The following TRIM37 variants were observed in gnomAD, a reference collection of about 807,000 sequenced individuals.
TRIM37 encodes the protein tripartite motif containing 37.
In TRIM37, 80 loss-of-function variants were observed where a neutral mutation model predicts 129.8. The ratio of observed to expected loss-of-function variants is 0.62; its 90% confidence interval spans 0.51 to 0.74. TRIM37 has a LOEUF of 0.74. Ranked by LOEUF, TRIM37 falls within the 30% of genes least tolerant of loss-of-function variation. The probability of loss-of-function intolerance (pLI) is 0.00; values close to 1 mark genes in which losing one functional copy is unlikely to be tolerated. For missense variants in TRIM37, 1,054 were observed against 1,176.5 expected (o/e 0.90, Z 1.52); for synonymous variants, 389 against 387.1 (o/e 1.00, Z -0.06).
chr17:59,092,822 T>TA (rs1026390850), intron 2 of TRIM37, among the ~76,000 whole-genome samples: 31 of 152,142 alleles, frequency 2.0e-4, no homozygotes, highest in African/African-American at 6.8e-4. Flanking sequence ...GTAAAAGACT[T>TA]AAAATGATAG....
intron 3 of TRIM37, 105 bp downstream of exon 3, chr17:59,091,195 G>C: frequency 1.5e-6 from 1 of 649,194 alleles, no homozygotes; most frequent in Non-Finnish European, 2.6e-6. Context: ...TCTTCACGAA[G>C]AAGAGAAATG....
At chr17:59,006,301 C>T (rs1005897786) in intron 22 of TRIM37, among the ~76,000 whole-genome samples, 1 of 152,120 alleles carries the variant, frequency 6.6e-6, no homozygotes, top group Non-Finnish European at 1.5e-5. Flanking sequence ...AGATTGTTAA[C>T]GCAAAAGAAA....
intron 1 of TRIM37, among the ~76,000 whole-genome samples, chr17:59,105,256 A>T (rs1175151116): frequency 6.6e-6 from 1 of 152,178 alleles, no homozygotes; most frequent in African/African-American, 2.4e-5. Context: ...GTGTACTGTG[A>T]CCCAGAAAAA....
chr17:59,092,344 A>C (rs965660010), intron 2 of TRIM37, among the ~76,000 whole-genome samples: 2 of 151,870 alleles, frequency 1.3e-5, no homozygotes, highest in Admixed American at 1.3e-4. Flanking sequence ...GGTTGCAGTG[A>C]GCCGAGATCC....
chr17:59,101,473 G>A (rs1461295828), intron 2 of TRIM37, among the ~76,000 whole-genome samples: 1 of 151,380 alleles, frequency 6.6e-6, no homozygotes, highest in African/African-American at 2.4e-5. Flanking sequence ...AAAACAGAAG[G>A]GTAAGACAAA....
At chr17:59,086,573 G>A (rs1325167114) in intron 4 of TRIM37, among the ~76,000 whole-genome samples, 2 of 152,070 alleles carry the variant, frequency 1.3e-5, no homozygotes, top group African/African-American at 2.4e-5. Flanking sequence ...TTTCATTGAT[G>A]AAGGACACTG....
At chr17:59,019,554 A>G (rs975461234) in intron 19 of TRIM37, among the ~76,000 whole-genome samples, 1 of 152,200 alleles carries the variant, frequency 6.6e-6, no homozygotes, top group African/African-American at 2.4e-5. Flanking sequence ...CTAAAAATAC[A>G]AAAGTTAGCT....
intron 17 of TRIM37, among the ~76,000 whole-genome samples, chr17:59,033,848 T>G (rs1185702639): frequency 6.6e-6 from 1 of 151,172 alleles, no homozygotes; most frequent in Non-Finnish European, 1.5e-5. Flanking sequence ...CTGGGTGCAG[T>G]GGCTCACGCC....
intron 4 of TRIM37, among the ~76,000 whole-genome samples, chr17:59,086,429 G>C (rs2043759155): frequency 6.6e-6 from 1 of 151,976 alleles, no homozygotes; most frequent in African/African-American, 2.4e-5. Flanking sequence ...AATACAGACA[G>C]GGTTTCACCA....
the TRIM37 span, among the ~76,000 whole-genome samples, chr17:58,977,088 T>A: frequency 6.6e-6 from 1 of 152,122 alleles, no homozygotes; most frequent in Admixed American, 6.6e-5. Flanking sequence ...CACCTTAGCA[T>A]ATAAGTGAAG....
chr17:59,038,079 A>G (rs1231120310), intron 17 of TRIM37, among the ~76,000 whole-genome samples: 1 of 152,188 alleles, frequency 6.6e-6, no homozygotes, highest in African/African-American at 2.4e-5. Context: ...TGCTATCAAC[A>G]TGACCTATCA....
chr17:58,980,254 TAGTG>T, downstream of TRIM37: 1 of 1,614,198 alleles, frequency 6.2e-7, no homozygotes, highest in Non-Finnish European at 8.5e-7. The surrounding 1 kb of genome is among the most constrained non-coding windows in gnomAD (Gnocchi z 4.7). Context: ...CTGTAAATGT[TAGTG>T]AGGAATCAGA....
Position 59,075,563 on chromosome 17 carries a change from C to CA in TRIM37, c.684+83dup, listed in dbSNP as rs34467573. On this transcript the variant is annotated intron_variant, in intron 8 of 23. Coordinates refer to ENST00000262294, the MANE Select transcript of TRIM37 (RefSeq NM_015294.6). ...TGGGCGACAGAGAGAGACTCCATCT[C>CA]AAAAAAAAAAAAAAAAAAAAACAAC... is the stretch of plus-strand genomic sequence containing the variant. 0.14 allele frequency: 66,691 copies of CA among 481,556 alleles called. 593 individuals carry two copies. Among genetic ancestry groups the CA allele is most frequent in the Middle Eastern group, 0.17 (247 of 1,448 alleles). 29.8% of individuals were successfully genotyped at this position (481,556 alleles called of 1,614,324 possible).
intron 13 of TRIM37, among the ~76,000 whole-genome samples, chr17:59,052,752 C>T (rs2040466611): frequency 6.6e-6 from 1 of 151,962 alleles, no homozygotes; most frequent in Non-Finnish European, 1.5e-5. Flanking sequence ...GTCAGGAGTT[C>T]GAGACCAGCG....
At chr17:59,057,178 C>T (rs2076219609) in intron 12 of TRIM37, 124 bp from the exon 13 acceptor site, 2 of 793,358 alleles carry the variant, frequency 2.5e-6, no homozygotes, top group East Asian at 2.7e-5. Flanking sequence ...TACGCAGTTA[C>T]ATTTCTTTTA....
At chr17:59,103,092 C>T (rs947937074) in intron 2 of TRIM37, among the ~76,000 whole-genome samples, 5 of 151,820 alleles carry the variant, frequency 3.3e-5, no homozygotes, top group Admixed American at 3.3e-4. Context: ...AGGATGGTCT[C>T]GAACTCCTGA....
At chr17:59,019,635 GA>G (rs1461188265) in intron 19 of TRIM37, among the ~76,000 whole-genome samples, 1 of 152,056 alleles carries the variant, frequency 6.6e-6, no homozygotes, top group Admixed American at 6.5e-5. Flanking sequence ...GTGAACCCGG[GA>G]AGCGGAGCTT....
In TRIM37 at chr17:59,081,149, A is replaced by G. The variant is rs1015890939; in HGVS notation, c.440T>C (p.Val147Ala). ...CATGAGACGCCGACGAAGTTTGGCT[A>G]CCTCTTCATTCACTTTAGTGACGTG... ...EQHVTKVNEE[V>A]AKLRRRLMEL... Residue 147 changes from valine (V) to alanine (A), a missense_variant, in exon 6 of 24, where the codon GTA becomes GCA. Transcript: ENST00000262294. 1.2e-5 allele frequency: 19 copies of G among 1,613,784 alleles called. No individual in the cohort carries two copies. Among genetic ancestry groups the G allele is most frequent in the Non-Finnish European group, 1.6e-5 (19 of 1,179,894 alleles).
At position 58,998,240 on chromosome 17, in the gene TRIM37, A is replaced by C; in HGVS notation, c.*1137T>G. 1 of 985,472 alleles carries C rather than the reference A, an allele frequency of 1.0e-6. No individual in the cohort carries two copies. The highest frequency in any genetic ancestry group is 1.2e-6 in the Non-Finnish European group (1 of 829,928). 61.0% of individuals were successfully genotyped at this position (985,472 alleles called of 1,614,324 possible). ...ATTTTATTAACAAAAAGTGCAAACT[A>C]TTTTGAACAAAAGTAAACTATGAGT... On this transcript the variant is annotated 3_prime_UTR_variant, in exon 24 of 24. Transcript: ENST00000262294.
Sources: allele counts gnomAD v4.1 joint callset (sites outside exome capture counted in the v4.1 genomes callset), GRCh38; gene constraint gnomAD v4.1.1; non-coding constraint Gnocchi (gnomAD v3.1); transcripts MANE v1.5; gene names NCBI Gene and HGNC (gene_info 2026-07-23, HGNC 2026-07-21).